Variants in TSHR observed in about 807,000 individuals in gnomAD.
TSHR encodes the protein thyrotropin receptor.
In TSHR, 51 loss-of-function variants were observed where a neutral mutation model predicts 64.1. The ratio of observed to expected loss-of-function variants is 0.80; its 90% CI spans 0.64 to 1.01. TSHR has a LOEUF of 1.01. Ranked by LOEUF, TSHR falls within the 50% of genes least tolerant of loss-of-function variation. TSHR has a pLI of 0.00. For synonymous variants in TSHR, 361 were observed against 361.9 expected (o/e 1.00, Z 0.03); for missense variants, 877 against 942.8 (o/e 0.93, Z 0.91).
chr14:81,103,000 C>T (rs887011633), intron 7 of TSHR: 18 of 985,220 alleles, frequency 1.8e-5, no homozygotes, highest in Non-Finnish European at 2.0e-5. Flanking sequence ...TCATTCTACC[C>T]TAAGTTTCTG....
intron 1 of TSHR, among the ~76,000 whole-genome samples, chr14:81,054,440 T>G (rs1885629874): frequency 6.6e-6 from 1 of 152,170 alleles, no homozygotes; most frequent in Admixed American, 6.5e-5. Context: ...GGAAGCGACT[T>G]TGGAACTGGG....
intron 1 of TSHR, among the ~76,000 whole-genome samples, chr14:81,019,864 G>T (rs2139796904): frequency 6.6e-6 from 1 of 152,246 alleles, no homozygotes; most frequent in East Asian, 1.9e-4. Context: ...TATCATTGAT[G>T]GGCATTTGGG....
chr14:81,087,262 C>T (rs1174198224), intron 3 of TSHR, among the ~76,000 whole-genome samples: 1 of 152,158 alleles, frequency 6.6e-6, no homozygotes, highest in Non-Finnish European at 1.5e-5. Context: ...AGCCAATCAA[C>T]CTATGTTGAA....
chr14:81,088,547 A>T (rs1407644513), intron 4 of TSHR, among the ~76,000 whole-genome samples: 1 of 152,202 alleles, frequency 6.6e-6, no homozygotes, highest in Non-Finnish European at 1.5e-5. Flanking sequence ...AAGCTCCATG[A>T]ATCCAGGGAC....
Position 81,011,187 on chromosome 14 carries a change from C to CT in TSHR, c.171-50956dup, listed in dbSNP as rs76046215. Among the ~76,000 whole-genome samples, 458 of 151,134 alleles carry CT rather than the reference C, an allele frequency of 3.0e-3. 9 individuals are homozygous for CT. The highest frequency in any genetic ancestry group is 0.026 in the Admixed American group (392 of 15,016). ...TCATAAAATGAATTGAAACACTTTT[C>CT]TTTTTCCTTCCCTTCCTTCCTTTCT... On this transcript the variant is annotated intron_variant, in intron 1 of 9. Transcript: ENST00000298171.
intron 9 of TSHR, among the ~76,000 whole-genome samples, chr14:81,141,466 T>C (rs1891684037): frequency 6.6e-6 from 1 of 152,236 alleles, no homozygotes; most frequent in African/African-American, 2.4e-5. Context: ...AAATCTTATT[T>C]CCACAAGCAT....
At chr14:81,022,810 G>C (rs1369585044) in intron 1 of TSHR, among the ~76,000 whole-genome samples, 4 of 151,966 alleles carry the variant, frequency 2.6e-5, no homozygotes, top group African/African-American at 9.7e-5. Flanking sequence ...GACAAAGCGA[G>C]ACTTCATCTC....
intron 1 of TSHR, among the ~76,000 whole-genome samples, chr14:80,969,952 T>A (rs1240701984): frequency 6.6e-6 from 1 of 152,266 alleles, no homozygotes; most frequent in East Asian, 1.9e-4. Flanking sequence ...ATGTATACCC[T>A]TGCCACGGTT....
intron 2 of TSHR, among the ~76,000 whole-genome samples, chr14:81,067,307 T>C (rs1886692346): frequency 6.6e-6 from 1 of 151,880 alleles, no homozygotes; most frequent in Non-Finnish European, 1.5e-5. Context: ...ATTCATTCAG[T>C]TGTTTAATAA....
intron 8 of TSHR, among the ~76,000 whole-genome samples, chr14:81,134,127 T>A (rs1566830981): frequency 6.6e-6 from 1 of 152,036 alleles, no homozygotes; most frequent in Non-Finnish European, 1.5e-5. Context: ...TCATTTTATT[T>A]TTTATTCTTT....
intron 2 of TSHR, among the ~76,000 whole-genome samples, chr14:81,067,078 C>A (rs1303877196): frequency 2.5e-4 from 38 of 152,042 alleles, no homozygotes; most frequent in Admixed American, 2.4e-3. Context: ...TAAGACGGAG[C>A]TTGAATTTTC....
intron 7 of TSHR, chr14:81,105,103 T>C (rs1015687139): frequency 6.1e-6 from 6 of 985,282 alleles, no homozygotes; most frequent in Non-Finnish European, 6.0e-6. Context: ...CTCTCTAAAA[T>C]AATCATTTTC....
intron 7 of TSHR, among the ~76,000 whole-genome samples, chr14:81,097,888 G>A (rs1228886104): frequency 6.6e-6 from 1 of 152,134 alleles, no homozygotes; most frequent in African/African-American, 2.4e-5. Context: ...TGGTTGTGGA[G>A]TCATAATGGT....
chr14:81,125,752 T>G (rs1487586755), intron 8 of TSHR, among the ~76,000 whole-genome samples: 2 of 151,978 alleles, frequency 1.3e-5, no homozygotes, highest in African/African-American at 4.8e-5. Flanking sequence ...TGAAATGAGT[T>G]GCAAACACAA....
At chr14:80,978,085 C>T (rs1420131683) in intron 1 of TSHR, among the ~76,000 whole-genome samples, 2 of 126,648 alleles carry the variant, frequency 1.6e-5, no homozygotes, top group Non-Finnish European at 3.3e-5. Context: ...TCCTCAACAA[C>T]ATCCCTCCAA....
intron 8 of TSHR, among the ~76,000 whole-genome samples, chr14:81,126,405 G>A (rs1428659358): frequency 6.6e-6 from 1 of 152,148 alleles, no homozygotes; most frequent in East Asian, 1.9e-4. Flanking sequence ...GGCCTCAAAT[G>A]GTCATGCATT....
chr14:80,982,315 TG>T (rs1468136308), intron 1 of TSHR: 21 of 1,089,716 alleles, frequency 1.9e-5, no homozygotes, highest in Non-Finnish European at 2.6e-5. Flanking sequence ...TATTGATGCC[TG>T]GGTCTGGGCT....
At chr14:81,098,760 C>T (rs1889379085) in intron 7 of TSHR, among the ~76,000 whole-genome samples, 1 of 152,272 alleles carries the variant, frequency 6.6e-6, no homozygotes, top group African/African-American at 2.4e-5. Flanking sequence ...GTTAATATGG[C>T]TCCTGAATTC....
At chr14:80,987,836 G>A (rs892197465) in intron 1 of TSHR, among the ~76,000 whole-genome samples, 1 of 152,028 alleles carries the variant, frequency 6.6e-6, no homozygotes, top group Non-Finnish European at 1.5e-5. Flanking sequence ...TTGATACAAG[G>A]CCCTCTCAAG....
Sources: allele counts gnomAD v4.1 joint callset (sites outside exome capture counted in the v4.1 genomes callset), GRCh38; gene constraint gnomAD v4.1.1; transcripts MANE v1.5; gene names NCBI Gene and HGNC (gene_info 2026-07-23, HGNC 2026-07-21).